The following ECT2L variants were observed in gnomAD, a reference collection of about 807,000 sequenced individuals.
The protein encoded by ECT2L is epithelial cell-transforming sequence 2 oncogene-like.
In ECT2L, 126 loss-of-function variants were observed where a neutral mutation model predicts 122.8. The observed-to-expected ratio is 1.03, with a 90% CI of 0.89 to 1.19. The LOEUF (loss-of-function observed/expected upper bound fraction) is 1.19, where lower values mean the gene tolerates loss of function less well. Among genes scored for constraint, ECT2L ranks in the 50% most tolerant of loss-of-function variants. The probability of loss-of-function intolerance (pLI) is 0.00; values close to 1 mark genes in which losing one functional copy is unlikely to be tolerated. For missense variants in ECT2L, 1,012 were observed against 1,064.1 expected, an observed-to-expected ratio of 0.95 and a Z score of 0.68; for synonymous variants, 385 against 381.8, an observed-to-expected ratio of 1.01 and a Z score of -0.10.
chr6:138,836,498 G>A (rs1042889700), intron 4 of ECT2L, among the ~76,000 whole-genome samples: 2 of 152,018 alleles, frequency 1.3e-5, no homozygotes, highest in South Asian at 2.1e-4. Context: ...ACATTGGCCA[G>A]GCTGGTTTCA....
chr6:138,821,315 T>C (rs1294315804), intron 4 of ECT2L, among the ~76,000 whole-genome samples: 1 of 152,250 alleles, frequency 6.6e-6, no homozygotes, highest in Non-Finnish European at 1.5e-5. Flanking sequence ...ACTCCAGATA[T>C]GGGTCTTCCT....
At chr6:138,834,935 A>ACACACACACACACACACT (rs5880405) in intron 4 of ECT2L, among the ~76,000 whole-genome samples, 57 of 142,856 alleles carry the variant, frequency 4.0e-4, no homozygotes, top group Admixed American at 2.7e-3. Flanking sequence ...ACACACACAC[A>ACACACACACACACACACT]CTCTCATTCT....
intron 10 of ECT2L, among the ~76,000 whole-genome samples, chr6:138,856,163 G>T (rs1213080787): frequency 7.1e-6 from 1 of 140,902 alleles, no homozygotes; most frequent in Non-Finnish European, 1.6e-5. Flanking sequence ...AAGTATTTGA[G>T]AACCATTTTC....
intron 20 of ECT2L, among the ~76,000 whole-genome samples, chr6:138,893,930 T>C (rs1401625970): frequency 6.6e-6 from 1 of 152,228 alleles, no homozygotes; most frequent in Non-Finnish European, 1.5e-5. Context: ...TGTAGCAGCC[T>C]ATCATTCCAG....
At position 138,847,355 on chromosome 6, in the gene ECT2L, C is replaced by CTTTTTTTTTTTTTTT. The variant is rs1170631663; in HGVS notation, c.903+697_903+711dup. 1.1e-4 allele frequency among the ~76,000 whole-genome samples: 6 copies of CTTTTTTTTTTTTTTT among 54,956 alleles called. 3 individuals carry two copies. Among genetic ancestry groups the CTTTTTTTTTTTTTTT allele is most frequent in the African/African-American group, 4.9e-4 (6 of 12,294 alleles). 36.1% of individuals were successfully genotyped at this position (54,956 alleles called of 152,430 possible). On this transcript the variant is annotated intron_variant, in intron 8 of 21. Coordinates refer to ENST00000541398, the MANE Select transcript of ECT2L (RefSeq NM_001077706.3). ...TTTGAAAAAGCATTAAAGGCCCAAA[C>CTTTTTTTTTTTTTTT]TTTTTTTTTTTTTTTTTTTTTTTTT... is the stretch of plus-strand genomic sequence containing the variant.
chr6:138,898,727 T>C (rs1779294749), intron 20 of ECT2L, among the ~76,000 whole-genome samples: 1 of 152,076 alleles, frequency 6.6e-6, no homozygotes, highest in African/African-American at 2.4e-5. Context: ...TAAATATGAA[T>C]TATAGCAGCT....
In ECT2L at chr6:138,889,011, A is replaced by G. The variant is rs753100838; in HGVS notation, c.2394A>G (p.Glu798=). The change falls in exon 20 of 22, where the codon GAA becomes GAG. Residue 798 remains glutamate (E), a synonymous_variant. Transcript: ENST00000541398. Reference sequence around the variant, plus strand: ...TAGCCCAACTTCATTGCTGTGATGAAGAAATAAGTTTCTCTTTAAGGTAAA... The same window carrying G: ...TAGCCCAACTTCATTGCTGTGATGAGGAAATAAGTTTCTCTTTAAGGTAAA... The part of the protein sequence containing the change: ...QDVAQLHCCD[E]EISFSLRLYE... 1.3e-6 allele frequency: 2 copies of G among 1,551,278 alleles called. No homozygotes were observed. Among genetic ancestry groups the G allele is most frequent in the Non-Finnish European group, 1.7e-6 (2 of 1,142,976 alleles).
At chr6:138,820,902 C>T (rs1776246641) in intron 4 of ECT2L, among the ~76,000 whole-genome samples, 1 of 152,196 alleles carries the variant, frequency 6.6e-6, no homozygotes. Context: ...AAGGGATGGT[C>T]CCTCAGAATC....
intron 8 of ECT2L, 75 bp from the exon 9 acceptor site, chr6:138,849,194 C>T (rs1427991039): frequency 1.1e-5 from 14 of 1,322,360 alleles, no homozygotes; most frequent in Non-Finnish European, 1.3e-5. Flanking sequence ...ATTTTGTATC[C>T]GTTCTATTTC....
chr6:138,892,829 G>A (rs1053945395), intron 20 of ECT2L, among the ~76,000 whole-genome samples: 2 of 152,112 alleles, frequency 1.3e-5, no homozygotes, highest in South Asian at 2.1e-4. Flanking sequence ...TAGCAGACAC[G>A]ATGTGTCAGG....
intron 1 of ECT2L, among the ~76,000 whole-genome samples, chr6:138,805,497 C>T (rs977432201): frequency 2.0e-5 from 3 of 152,130 alleles, no homozygotes; most frequent in Admixed American, 6.5e-5. Context: ...AAATAGGAAA[C>T]GTGTTATTTT....
At chr6:138,841,012 A>G (rs1361672949) in intron 5 of ECT2L, among the ~76,000 whole-genome samples, 2 of 152,078 alleles carry the variant, frequency 1.3e-5, no homozygotes, top group African/African-American at 4.8e-5. Context: ...CAGTTTACTA[A>G]TTGTTTCTTT....
intron 4 of ECT2L, among the ~76,000 whole-genome samples, chr6:138,832,753 T>TG (rs1347063098): frequency 6.7e-6 from 1 of 149,940 alleles, no homozygotes; most frequent in Admixed American, 6.6e-5. Flanking sequence ...TTTTTGTTGT[T>TG]TTTTTTTTAA....
At chr6:138,797,394 A>G (rs549083512) in intron 1 of ECT2L, among the ~76,000 whole-genome samples, 1 of 152,214 alleles carries the variant, frequency 6.6e-6, no homozygotes, top group Non-Finnish European at 1.5e-5. Flanking sequence ...GAATTGCAGA[A>G]GTACGCGCAT....
intron 16 of ECT2L, among the ~76,000 whole-genome samples, chr6:138,884,428 A>G (rs1032937976): frequency 5.9e-5 from 9 of 152,094 alleles, no homozygotes; most frequent in Admixed American, 5.9e-4. Context: ...ATCTGAGGTC[A>G]GGAGTTCGAG....
chr6:138,834,493 G>T (rs376775454), intron 4 of ECT2L, among the ~76,000 whole-genome samples: 8 of 152,202 alleles, frequency 5.3e-5, no homozygotes, highest in African/African-American at 1.9e-4. Context: ...CCTTTGCTCT[G>T]CTGGGATGGA....
intron 4 of ECT2L, chr6:138,822,714 G>T (rs574479022): frequency 1.3e-5 from 20 of 1,564,402 alleles, no homozygotes; most frequent in Middle Eastern, 1.7e-4. Context: ...CAGAAGACGG[G>T]TGATTTCTGC....
chr6:138,824,091 G>A (rs1776351657), intron 4 of ECT2L, among the ~76,000 whole-genome samples: 1 of 151,938 alleles, frequency 6.6e-6, no homozygotes, highest in Non-Finnish European at 1.5e-5. Flanking sequence ...TTTGTATCTT[G>A]GTTGCAGTGG....
chr6:138,886,556 C>T (rs572235880), intron 18 of ECT2L, among the ~76,000 whole-genome samples: 1 of 151,772 alleles, frequency 6.6e-6, no homozygotes, highest in Non-Finnish European at 1.5e-5. Context: ...CACAGGCAGG[C>T]GCCACCATGC....
Sources: allele counts gnomAD v4.1 joint callset (sites outside exome capture counted in the v4.1 genomes callset), GRCh38; gene constraint gnomAD v4.1.1; transcripts MANE v1.5; gene names NCBI Gene and HGNC (gene_info 2026-07-23, HGNC 2026-07-21).